Variants in ZDHHC14 observed in about 807,000 individuals in gnomAD.
The protein encoded by ZDHHC14 is zDHHC palmitoyltransferase 14.
In ZDHHC14, 16 loss-of-function variants were observed where a neutral mutation model predicts 47.7. The observed-to-expected ratio is 0.34, with a 90% CI of 0.23 to 0.51. The LOEUF is 0.51. Ranked by LOEUF, ZDHHC14 falls within the 20% of genes least tolerant of loss-of-function variation. The pLI is 0.97. For missense variants in ZDHHC14, 515 were observed against 662.5 expected, an observed-to-expected ratio of 0.78 and a Z score of 2.44; for synonymous variants, 293 against 278.9, an observed-to-expected ratio of 1.05 and a Z score of -0.50.
chr6:157,523,484 C>T (rs1196562334), intron 1 of ZDHHC14, among the ~76,000 whole-genome samples: 1 of 152,150 alleles, frequency 6.6e-6, no homozygotes, highest in Non-Finnish European at 1.5e-5. Context: ...TTGCAAACTC[C>T]ACCACACAGA....
chr6:157,620,271 G>T (rs913648320), intron 3 of ZDHHC14, among the ~76,000 whole-genome samples: 1 of 152,180 alleles, frequency 6.6e-6, no homozygotes, highest in African/African-American at 2.4e-5. Flanking sequence ...TGGCGAGGGG[G>T]CTGGGCATGC....
intron 1 of ZDHHC14, among the ~76,000 whole-genome samples, chr6:157,451,752 G>T (rs1227174682): frequency 1.3e-5 from 2 of 152,092 alleles, no homozygotes; most frequent in East Asian, 3.9e-4. Context: ...GTAGAGGTGG[G>T]TTTCTCCATG....
At chr6:157,527,102 A>G (rs145456355) in intron 1 of ZDHHC14, among the ~76,000 whole-genome samples, 1,607 of 152,238 alleles carry the variant, frequency 0.011, 18 homozygotes, top group Non-Finnish European at 0.018. Flanking sequence ...CTCCCACACA[A>G]TGTGAAACCA....
intron 8 of ZDHHC14, among the ~76,000 whole-genome samples, chr6:157,655,295 G>A (rs1006957525): frequency 3.3e-5 from 5 of 152,196 alleles, no homozygotes; most frequent in Non-Finnish European, 7.3e-5. Flanking sequence ...TAAAGCAACA[G>A]TGGGAAAAGG....
intron 1 of ZDHHC14, among the ~76,000 whole-genome samples, chr6:157,455,487 C>G (rs890466807): frequency 6.6e-6 from 1 of 152,218 alleles, no homozygotes; most frequent in East Asian, 1.9e-4. Flanking sequence ...GGAAATCTGT[C>G]CAGACTTTTG....
chr6:157,402,038 C>T lies in ZDHHC14; in HGVS notation c.245+19772C>T, dbSNP rs1406630340. Among the ~76,000 whole-genome samples the T allele has an allele frequency of 2.1e-5, 3 of 146,148 alleles. No individual in the cohort carries two copies. In the Admixed American group the frequency reaches 2.1e-4, roughly 10 times the overall value. ...GGTCACACTGCACTAGTGAGATGTG[C>T]ACCTGCTGAAGTCACAGCAAGTGAG... On this transcript the variant is annotated intron_variant, in intron 1 of 8. Coordinates refer to ENST00000359775, the MANE Select transcript of ZDHHC14 (RefSeq NM_024630.3).
intron 1 of ZDHHC14, among the ~76,000 whole-genome samples, chr6:157,538,097 C>T (rs1781606567): frequency 6.6e-6 from 1 of 152,226 alleles, no homozygotes; most frequent in South Asian, 2.1e-4. Flanking sequence ...TTGAGGATTT[C>T]TAGGACAAAC....
At chr6:157,610,596 A>T (rs1187432772) in intron 3 of ZDHHC14, among the ~76,000 whole-genome samples, 1 of 152,082 alleles carries the variant, frequency 6.6e-6, no homozygotes, top group African/African-American at 2.4e-5. Flanking sequence ...GGATGGAGGG[A>T]GGGGCTACAC....
rs545053340 is a variant in ZDHHC14, at chr6:157,506,561, C to A, written c.246-36024C>A. Reference sequence around the variant, plus strand: ...CTTAGTTATATTCTAGGTCCTCTCCCTGAACTATGCAAACAATGGTAAACT... The same window carrying A: ...CTTAGTTATATTCTAGGTCCTCTCCATGAACTATGCAAACAATGGTAAACT... On this transcript the variant is annotated intron_variant, in intron 1 of 8. Coordinates refer to ENST00000359775, the MANE Select transcript of ZDHHC14 (RefSeq NM_024630.3). Among the ~76,000 whole-genome samples the A allele has an allele frequency of 1.5e-4, 23 of 151,764 alleles. 1 individual carries two copies. The highest frequency in any genetic ancestry group is 5.1e-4 in the African/African-American group (21 of 41,464).
chr6:157,623,223 AT>A (rs568650750), intron 3 of ZDHHC14, among the ~76,000 whole-genome samples: 6 of 151,988 alleles, frequency 3.9e-5, no homozygotes, highest in Non-Finnish European at 8.8e-5. Flanking sequence ...CATAATCCCC[AT>A]GTGTGGTGGG....
At chr6:157,397,025 A>G (rs1195934624) in intron 1 of ZDHHC14, among the ~76,000 whole-genome samples, 2 of 152,192 alleles carry the variant, frequency 1.3e-5, no homozygotes, top group African/African-American at 4.8e-5. Context: ...AGAATGATCT[A>G]TCAGGACAAT....
chr6:157,494,038 T>G (rs1779996330), intron 1 of ZDHHC14, among the ~76,000 whole-genome samples: 2 of 152,162 alleles, frequency 1.3e-5, no homozygotes, highest in Non-Finnish European at 1.5e-5. Context: ...AGAAGAGTGG[T>G]CCTCCCCGCA....
rs12234167 is a variant in ZDHHC14, at chr6:157,676,147, C to T, written c.*3025C>T. The T allele has an allele frequency of 0.029, 4,330 of 148,352 alleles. 77 individuals are homozygous for T. The highest frequency in any genetic ancestry group is 0.1 in the East Asian group (522 of 5,164). 9.2% of individuals were successfully genotyped at this position (148,352 alleles called of 1,614,324 possible). A position where few individuals can be genotyped will look rare whatever the true frequency, so the allele number is the denominator to read the frequency against. On this transcript the variant is annotated 3_prime_UTR_variant, in exon 9 of 9. Coordinates refer to ENST00000359775, the MANE Select transcript of ZDHHC14 (RefSeq NM_024630.3). The stretch of plus-strand genomic sequence containing the variant: ...AGGAAGGCGGCACAAAGCCTGCATC[C>T]GGGAGGGCCCCAGGAAGCAGGGGGA...
intron 1 of ZDHHC14, among the ~76,000 whole-genome samples, chr6:157,448,543 T>C (rs1211149369): frequency 6.6e-6 from 1 of 152,274 alleles, no homozygotes; most frequent in African/African-American, 2.4e-5. Context: ...CTTCCATTGA[T>C]AATTTCCCAG....
intron 1 of ZDHHC14, among the ~76,000 whole-genome samples, chr6:157,503,948 T>C (rs568400751): frequency 6.6e-6 from 1 of 152,204 alleles, no homozygotes; most frequent in Non-Finnish European, 1.5e-5. Context: ...ACATCTACCC[T>C]CTGACTCAAC....
intron 2 of ZDHHC14, among the ~76,000 whole-genome samples, chr6:157,550,655 G>A (rs576956259): frequency 1.3e-5 from 2 of 152,340 alleles, no homozygotes; most frequent in South Asian, 2.1e-4. Context: ...GGATTCTAGC[G>A]ACCACAGTGT....
chr6:157,412,286 T>G (rs917956534), intron 1 of ZDHHC14, among the ~76,000 whole-genome samples: 1 of 150,478 alleles, frequency 6.6e-6, no homozygotes, highest in African/African-American at 2.5e-5. Flanking sequence ...TGGAGTTTTG[T>G]TGTTGTTGTT....
intron 1 of ZDHHC14, among the ~76,000 whole-genome samples, chr6:157,414,286 C>A (rs1245658346): frequency 6.6e-6 from 1 of 152,118 alleles, no homozygotes; most frequent in Admixed American, 6.6e-5. Flanking sequence ...CGGCGAACTC[C>A]CTTTGCCTCC....
chr6:157,420,446 G>A, intron 1 of ZDHHC14, among the ~76,000 whole-genome samples: 1 of 151,452 alleles, frequency 6.6e-6, no homozygotes, highest in African/African-American at 2.4e-5. Context: ...GAAGGGGTGG[G>A]CTGAATCGAG....
Sources: allele counts gnomAD v4.1 joint callset (sites outside exome capture counted in the v4.1 genomes callset), GRCh38; gene constraint gnomAD v4.1.1; transcripts MANE v1.5; gene names NCBI Gene and HGNC (gene_info 2026-07-23, HGNC 2026-07-21).